CCND1: variants seen among roughly 807,000 people sequenced by gnomAD.
The protein encoded by CCND1 is G1/S-specific cyclin-D1.
A neutral mutation model predicts 26.1 loss-of-function variants in CCND1; 9 were observed. The ratio of observed to expected loss-of-function variants is 0.35; its 90% CI spans 0.21 to 0.60. The LOEUF (loss-of-function observed/expected upper bound fraction) is 0.60, where lower values mean the gene tolerates loss of function less well. CCND1 is among the 20% of genes least tolerant of loss of function. CCND1 has a pLI of 0.79. For missense variants in CCND1, 335 were observed against 392.9 expected, an observed-to-expected ratio of 0.85 and a Z score of 1.25; for synonymous variants, 194 against 166.1, an observed-to-expected ratio of 1.17 and a Z score of -1.29.
At position 69,651,892 on chromosome 11, in the gene CCND1, T is replaced by C. The variant is rs1855860600; in HGVS notation, c.*610T>C. The C allele has an allele frequency of 4.3e-6, 1 of 233,110 alleles. No homozygotes were observed. 14.4% of individuals were successfully genotyped at this position (233,110 alleles called of 1,614,324 possible). A position where few individuals can be genotyped will look rare whatever the true frequency, so the allele number is the denominator to read the frequency against. ...CTTTATAAGTCATTGTATGTTATTATATTCCGTAGGTAGATGTGTAACCTC... is the reference window on the plus strand; with the variant it reads ...CTTTATAAGTCATTGTATGTTATTACATTCCGTAGGTAGATGTGTAACCTC... On this transcript the variant is annotated 3_prime_UTR_variant, in exon 5 of 5. Coordinates refer to ENST00000227507, the MANE Select transcript of CCND1 (RefSeq NM_053056.3).
intron 4 of CCND1, 82 bp from the exon 5 acceptor site, chr11:69,651,036 A>C: frequency 7.3e-7 from 1 of 1,374,988 alleles, no homozygotes; most frequent in Admixed American, 2.3e-5. Context: ...CTTCCGGGTC[A>C]TGGCACCTGG....
chr11:69,653,115 G>C lies in CCND1; in HGVS notation c.*1833G>C. 1.8e-6 allele frequency: 1 copy of C among 545,884 alleles called. No individual in the cohort carries two copies. Among genetic ancestry groups the C allele is most frequent in the Non-Finnish European group, 3.2e-6 (1 of 309,736 alleles). The allele number at this position is 545,884 out of a possible 1,614,324, so 33.8% of individuals were successfully genotyped here. A position where few individuals can be genotyped will look rare whatever the true frequency, so the allele number is the denominator to read the frequency against. Reference sequence around the variant, plus strand: ...ATTTTTATTTAGGAAGTGTTGAAGGGAGGTGGCAAGAGTGTGGAGGCTGAC... The same window carrying C: ...ATTTTTATTTAGGAAGTGTTGAAGGCAGGTGGCAAGAGTGTGGAGGCTGAC... On this transcript the variant is annotated 3_prime_UTR_variant, in exon 5 of 5. Transcript: ENST00000227507.
Position 69,651,337 on chromosome 11 carries a change from C to CG in CCND1, c.*55_*56insG. On this transcript the variant is annotated 3_prime_UTR_variant, in exon 5 of 5. Transcript: ENST00000227507. ...CCCGCAGCGAGGGCGGAGCCGGCCC[C>CG]AGGTGCTCCCCTGACAGTCCCTCCT... is the stretch of plus-strand genomic sequence containing the variant. The CG allele has an allele frequency of 7.2e-7, 1 of 1,386,868 alleles. No homozygotes were observed. Among genetic ancestry groups the CG allele is most frequent in the Middle Eastern group, 2.6e-4 (1 of 3,892 alleles). 85.9% of individuals were successfully genotyped at this position (1,386,868 alleles called of 1,614,324 possible). A position where few individuals can be genotyped will look rare whatever the true frequency, so the allele number is the denominator to read the frequency against.
rs2220247 is a variant in CCND1, at chr11:69,641,401, G to C, written c.88G>C (p.Ala30Pro). The C allele has an allele frequency of 6.2e-7, 1 of 1,613,476 alleles. No individual in the cohort carries two copies. The highest frequency in any genetic ancestry group is 8.5e-7 in the Non-Finnish European group (1 of 1,180,026). The change falls in exon 1 of 5, where the codon GCC becomes CCC. Residue 30 changes from alanine (A) to proline (P), a missense_variant. Physicochemically the swap from Ala to Pro is conservative, Grantham distance 27. Coordinates refer to ENST00000227507, the MANE Select transcript of CCND1 (RefSeq NM_053056.3). ...ANLLNDRVLRAMLKAEETCAP... is the reference protein window; with the variant it reads ...ANLLNDRVLRPMLKAEETCAP... ...CCTCCTCAACGACCGGGTGCTGCGG[G>C]CCATGCTGAAGGCGGAGGAGACCTG...
chr11:69,651,105 C>T lies in CCND1; in HGVS notation c.724-13C>T, dbSNP rs1237533181. ...CCCCCTCTTCCCACCTCTCCCCACC[C>T]TCTCTCTCTCAGGACTGCCTCCGGG... is the stretch of plus-strand genomic sequence containing the variant. On this transcript the variant is annotated splice_polypyrimidine_tract_variant and intron_variant, in intron 4 of 4. Transcript: ENST00000227507. 2 of 1,601,170 alleles carry T rather than the reference C, an allele frequency of 1.2e-6. No individual in the cohort carries two copies. The highest frequency in any genetic ancestry group is 1.3e-5 in the African/African-American group (1 of 74,166).
Position 69,652,757 on chromosome 11 carries a change from C to T in CCND1, c.*1475C>T, listed in dbSNP as rs11557584. The T allele has an allele frequency of 9.1e-6, 2 of 220,918 alleles. No homozygotes were observed. Among genetic ancestry groups the T allele is most frequent in the African/African-American group, 2.4e-5 (1 of 41,460 alleles). 13.7% of individuals were successfully genotyped at this position (220,918 alleles called of 1,614,324 possible). ...CCAGTATGATTTATAAATGCAATCT[C>T]CCCTTGATTTAAACACACAGATACA... On this transcript the variant is annotated 3_prime_UTR_variant, in exon 5 of 5. Transcript: ENST00000227507.
chr11:69,642,440 C>A (rs773392956), intron 1 of CCND1, among the ~76,000 whole-genome samples: 1 of 152,196 alleles, frequency 6.6e-6, no homozygotes, highest in Non-Finnish European at 1.5e-5. Context: ...GAAGGGGGGG[C>A]CCCGGAGTTT....
chr11:69,644,720 TACACAG>T (rs1418359893), intron 3 of CCND1, among the ~76,000 whole-genome samples: 1 of 152,168 alleles, frequency 6.6e-6, no homozygotes, highest in African/African-American at 2.4e-5. Context: ...GACTCGCACA[TACACAG>T]GGTGCCGCCT....
chr11:69,642,996 T>TGGC, intron 1 of CCND1, 35 bp from the exon 2 acceptor site: 3 of 1,471,258 alleles, frequency 2.0e-6, no homozygotes, highest in Non-Finnish European at 2.7e-6. Flanking sequence ...CGGCGCGACC[T>TGGC]GGCGGCGGCG....
rs779213286 is a variant in CCND1 at position 69,643,018 on chromosome 11, C to G, written c.199-13C>G. On this transcript the variant is annotated splice_polypyrimidine_tract_variant and intron_variant, in intron 1 of 4. Coordinates refer to ENST00000227507, the MANE Select transcript of CCND1 (RefSeq NM_053056.3). ...ACCTGGCGGCGGCGGTCACGGGCCC[C>G]GTGCCTCCGTAGGTCTGCGAGGAAC... is the stretch of plus-strand genomic sequence containing the variant. 15 of 1,547,160 alleles carry G rather than the reference C, an allele frequency of 9.7e-6. No homozygotes were observed. The Admixed American group carries it at 2.6e-4, about 27-fold the overall frequency.
rs201299704 is a variant in CCND1, at chr11:69,651,129, G to A, written c.735G>A (p.Arg245=). Residue 245 remains arginine (R), a synonymous_variant, in exon 5 of 5, where the codon CGG becomes CGA. Coordinates refer to ENST00000227507, the MANE Select transcript of CCND1 (RefSeq NM_053056.3). The stretch of plus-strand genomic sequence containing the variant: ...CCTCTCTCTCTCAGGACTGCCTCCG[G>A]GCCTGCCAGGAGCAGATCGAAGCCC... ...RVIKCDPDCL[R]ACQEQIEALL... is the part of the protein sequence containing the mutation. 811 of 1,612,858 alleles carry A rather than the reference G, an allele frequency of 5.0e-4. 14 individuals are homozygous for A. The South Asian group carries it at 5.4e-3, about 11-fold the overall frequency.
chr11:69,654,133 C>A lies in CCND1; in HGVS notation c.*2851C>A. On this transcript the variant is annotated 3_prime_UTR_variant, in exon 5 of 5. Transcript: ENST00000227507. The surrounding 1 kb of genome is among the most constrained non-coding windows in gnomAD (Gnocchi z 6.3). ...GGGCACAGGCCCACCCCGCCCCACC[C>A]CTCCAGAACACGGCTCACGCTTACC... is the stretch of plus-strand genomic sequence containing the variant. The A allele has an allele frequency of 1.5e-6, 1 of 676,372 alleles. No individual in the cohort carries two copies. Among genetic ancestry groups the A allele is most frequent in the South Asian group, 1.6e-5 (1 of 63,354 alleles). 41.9% of individuals were successfully genotyped at this position (676,372 alleles called of 1,614,324 possible). A position where few individuals can be genotyped will look rare whatever the true frequency, so the allele number is the denominator to read the frequency against.
At chr11:69,646,361 G>A (rs976480902) in intron 3 of CCND1, among the ~76,000 whole-genome samples, 1 of 152,144 alleles carries the variant, frequency 6.6e-6, no homozygotes, top group Non-Finnish European at 1.5e-5. Flanking sequence ...TCCCCTTCAG[G>A]GTGGCTGCCT....
intron 2 of CCND1, chr11:69,643,596 T>G (rs1855740393): frequency 2.7e-5 from 13 of 478,374 alleles, no homozygotes; most frequent in South Asian, 1.2e-4. Flanking sequence ...ACTTGCAGAG[T>G]CTTTTCACGC....
intron 1 of CCND1, 132 bp downstream of exon 1, chr11:69,641,643 C>T: frequency 1.1e-6 from 1 of 877,600 alleles, no homozygotes; most frequent in Non-Finnish European, 1.8e-6. Context: ...TTCTAGGGAT[C>T]CGTATTTTCA....
chr11:69,642,780 G>T (rs933295225), intron 1 of CCND1, among the ~76,000 whole-genome samples: 4 of 151,102 alleles, frequency 2.6e-5, no homozygotes, highest in Non-Finnish European at 5.9e-5. Context: ...CGCGCACGCC[G>T]CCCAGCTGTG....
chr11:69,654,134 CTCCAGAA>C lies in CCND1; in HGVS notation c.*2853_*2859del. The C allele has an allele frequency of 1.5e-6, 1 of 680,360 alleles. No homozygotes were observed. Among genetic ancestry groups the C allele is most frequent in the Non-Finnish European group, 2.7e-6 (1 of 373,518 alleles). The allele number at this position is 680,360 out of a possible 1,614,324, so 42.1% of individuals were successfully genotyped here. ...GGCACAGGCCCACCCCGCCCCACCCCTCCAGAACACGGCTCACGCTTACCTCAACCAT... is the reference window on the plus strand; with the variant it reads ...GGCACAGGCCCACCCCGCCCCACCCCCACGGCTCACGCTTACCTCAACCAT... On this transcript the variant is annotated 3_prime_UTR_variant, in exon 5 of 5. Coordinates refer to ENST00000227507, the MANE Select transcript of CCND1 (RefSeq NM_053056.3). The surrounding 1 kb of genome is among the most constrained non-coding windows in gnomAD (Gnocchi z 6.3).
intron 1 of CCND1, 129 bp downstream of exon 1, chr11:69,641,640 G>T (rs1430077273): frequency 3.0e-5 from 26 of 875,194 alleles, no homozygotes; most frequent in African/African-American, 5.0e-5. Flanking sequence ...TGTTTCTAGG[G>T]ATCCGTATTT....
intron 4 of CCND1, among the ~76,000 whole-genome samples, chr11:69,650,055 C>A (rs1304913632): frequency 6.6e-6 from 1 of 152,246 alleles, no homozygotes; most frequent in African/African-American, 2.4e-5. Context: ...AAAAGTCGTT[C>A]TGGCCTGGGT....
Sources: gnomAD v4.1 joint callset for allele counts (sites outside exome capture counted in the v4.1 genomes callset) on GRCh38, gnomAD v4.1.1 for gene constraint, Gnocchi (gnomAD v3.1) non-coding constraint, MANE v1.5 for transcripts, NCBI Gene and HGNC (gene_info 2026-07-23, HGNC 2026-07-21) for gene names.